MYCT1: variants seen among roughly 807,000 people sequenced by gnomAD.
MYCT1 encodes the protein myc target protein 1.
Under a neutral mutation model 15.0 loss-of-function variants are expected in MYCT1, and 12 were observed. The ratio of observed to expected loss-of-function variants is 0.80; its 90% CI spans 0.51 to 1.29. The LOEUF (loss-of-function observed/expected upper bound fraction) is 1.29, where lower values mean the gene tolerates loss of function less well. Among genes scored for constraint, MYCT1 ranks in the 50% most tolerant of loss-of-function variants. The pLI, the probability that MYCT1 is intolerant of heterozygous loss-of-function variation, is 0.00. For synonymous variants in MYCT1, 104 were observed against 102.7 expected (o/e 1.01, Z -0.07); for missense variants, 287 against 279.1 (o/e 1.03, Z -0.20).
At chr6:152,705,074 A>G (rs1392460327) in intron 1 of MYCT1, among the ~76,000 whole-genome samples, 1 of 152,080 alleles carries the variant, frequency 6.6e-6, no homozygotes, top group African/African-American at 2.4e-5. Flanking sequence ...ACATTCCACA[A>G]ATAAGTGCAG....
intron 1 of MYCT1, among the ~76,000 whole-genome samples, chr6:152,700,015 T>C (rs2129067687): frequency 6.6e-6 from 1 of 152,102 alleles, no homozygotes; most frequent in South Asian, 2.1e-4. Context: ...ACAAAGCCAA[T>C]GGAAACATGG....
rs397741199 is a variant in MYCT1 at position 152,724,251 on chromosome 6, T to TC, written c.*1998_*1999insC. 189 of 150,754 alleles carry TC rather than the reference T, an allele frequency of 1.3e-3. 1 individual carries two copies. Among genetic ancestry groups the TC allele is most frequent in the African/African-American group, 4.4e-3 (179 of 40,800 alleles). The allele number at this position is 150,754 out of a possible 1,614,324, so 9.3% of individuals were successfully genotyped here. ...AGGGCTACTTTTTTTTTTTTTTTTT[T>TC]ACTTGCATGTCATCCTTAATGTCTA... On this transcript the variant is annotated 3_prime_UTR_variant, in exon 2 of 2. Coordinates refer to ENST00000367245, the MANE Select transcript of MYCT1 (RefSeq NM_025107.3).
the MYCT1 span, among the ~76,000 whole-genome samples, chr6:152,733,866 T>C: frequency 6.6e-6 from 1 of 152,126 alleles, no homozygotes; most frequent in African/African-American, 2.4e-5. Flanking sequence ...ATTTCCAGAG[T>C]ACTGAACAAG....
At chr6:152,703,229 T>C (rs1275337892) in intron 1 of MYCT1, among the ~76,000 whole-genome samples, 1 of 152,212 alleles carries the variant, frequency 6.6e-6, no homozygotes, top group Non-Finnish European at 1.5e-5. Flanking sequence ...AATGGCACAT[T>C]CCATTTCTTT....
chr6:152,744,990 C>A, the MYCT1 span, among the ~76,000 whole-genome samples: 2 of 152,066 alleles, frequency 1.3e-5, no homozygotes, highest in African/African-American at 4.8e-5. Flanking sequence ...AGGTGAGGAA[C>A]CAGGTGGCAA....
rs2099724962 is a variant in MYCT1, at chr6:152,722,923, G to A, written c.*670G>A. On this transcript the variant is annotated 3_prime_UTR_variant, in exon 2 of 2. Coordinates refer to ENST00000367245, the MANE Select transcript of MYCT1 (RefSeq NM_025107.3). Reference sequence around the variant, plus strand: ...CGGGTTGAATTTTTTTTTAATTTTAGTAGAGATGAAGTGTCACTATGTTAC... The same window carrying A: ...CGGGTTGAATTTTTTTTTAATTTTAATAGAGATGAAGTGTCACTATGTTAC... The A allele has an allele frequency of 1.2e-5, 2 of 167,402 alleles. No homozygotes were observed. Among genetic ancestry groups the A allele is most frequent in the Non-Finnish European group, 2.6e-5 (2 of 76,934 alleles). 10.4% of individuals were successfully genotyped at this position (167,402 alleles called of 1,614,324 possible).
intron 1 of MYCT1, among the ~76,000 whole-genome samples, chr6:152,706,927 G>A (rs2099722389): frequency 6.6e-6 from 1 of 151,668 alleles, no homozygotes; most frequent in African/African-American, 2.4e-5. Context: ...GGACACTTAG[G>A]TGGATTATGT....
the MYCT1 span, among the ~76,000 whole-genome samples, chr6:152,734,373 C>T: frequency 1.3e-5 from 2 of 152,176 alleles, no homozygotes; most frequent in Non-Finnish European, 2.9e-5. Context: ...TCAAATTCCT[C>T]CCCAAAAGTT....
chr6:152,699,968 A>C (rs891501127), intron 1 of MYCT1, among the ~76,000 whole-genome samples: 1 of 152,146 alleles, frequency 6.6e-6, no homozygotes, highest in Non-Finnish European at 1.5e-5. Flanking sequence ...GAAAATAATG[A>C]AAACCAGAAA....
At chr6:152,720,005 G>A (rs2099724402) in intron 1 of MYCT1, among the ~76,000 whole-genome samples, 2 of 152,052 alleles carry the variant, frequency 1.3e-5, no homozygotes, top group African/African-American at 4.8e-5. Flanking sequence ...AATTTGCTTA[G>A]CTCACAATCC....
chr6:152,739,992 A>C, the MYCT1 span, among the ~76,000 whole-genome samples: 1 of 152,060 alleles, frequency 6.6e-6, no homozygotes, highest in Admixed American at 6.6e-5. Context: ...AATAAAAATA[A>C]AAATACAGAC....
chr6:152,742,049 C>T, the MYCT1 span, among the ~76,000 whole-genome samples: 33,162 of 152,006 alleles, frequency 0.22, 4,417 homozygotes, highest in African/African-American at 0.38. Context: ...ATCTCATTCA[C>T]TCGCTCATCT....
chr6:152,732,513 G>T, the MYCT1 span, among the ~76,000 whole-genome samples: 2 of 152,072 alleles, frequency 1.3e-5, no homozygotes, highest in African/African-American at 4.8e-5. Context: ...TGAAATAGCG[G>T]CATGCAATAA....
At chr6:152,716,143 G>A (rs2099723637) in intron 1 of MYCT1, among the ~76,000 whole-genome samples, 1 of 152,166 alleles carries the variant, frequency 6.6e-6, no homozygotes, top group Admixed American at 6.5e-5. Context: ...GTCGCAGAGT[G>A]GGTAGTGAGA....
chr6:152,722,741 CTT>C lies in MYCT1; in HGVS notation c.*496_*497del. Reference sequence around the variant, plus strand: ...TGACATTTTACAATCTTAGATTTTTCTTTTTTTTTCTTTTGAGACAGGGTCTT... The same window carrying C: ...TGACATTTTACAATCTTAGATTTTTCTTTTTTTCTTTTGAGACAGGGTCTT... On this transcript the variant is annotated 3_prime_UTR_variant, in exon 2 of 2. Transcript: ENST00000367245. 1 of 400,960 alleles carries C rather than the reference CTT, an allele frequency of 2.5e-6. No individual in the cohort carries two copies. The highest frequency in any genetic ancestry group is 3.0e-5 in the Admixed American group (1 of 33,584). 24.8% of individuals were successfully genotyped at this position (400,960 alleles called of 1,614,324 possible).
chr6:152,747,128 A>C, the MYCT1 span, among the ~76,000 whole-genome samples: 1 of 151,702 alleles, frequency 6.6e-6, no homozygotes, highest in Non-Finnish European at 1.5e-5. Context: ...GTTTATATAT[A>C]CTCTAATATA....
intron 1 of MYCT1, among the ~76,000 whole-genome samples, chr6:152,713,312 T>C (rs1489799071): frequency 6.6e-6 from 1 of 152,130 alleles, no homozygotes; most frequent in Non-Finnish European, 1.5e-5. Flanking sequence ...AGTGTTTTAC[T>C]TGAAATCATT....
intron 1 of MYCT1, among the ~76,000 whole-genome samples, chr6:152,720,327 A>G (rs2129070516): frequency 6.6e-6 from 1 of 152,104 alleles, no homozygotes; most frequent in Admixed American, 6.6e-5. Flanking sequence ...ATTGCATCCT[A>G]CCGTCAAAGC....
At chr6:152,734,950 G>GT in the MYCT1 span, among the ~76,000 whole-genome samples, 1 of 152,080 alleles carries the variant, frequency 6.6e-6, no homozygotes, top group Admixed American at 6.5e-5. Flanking sequence ...TTGGAAATTT[G>GT]TTTTTTAAAA....
Sources: allele counts gnomAD v4.1 joint callset (sites outside exome capture counted in the v4.1 genomes callset), GRCh38; gene constraint gnomAD v4.1.1; transcripts MANE v1.5; gene names NCBI Gene and HGNC (gene_info 2026-07-23, HGNC 2026-07-21).